CYB5D2: variants seen among roughly 807,000 people sequenced by gnomAD.
CYB5D2 encodes the protein cytochrome b5 domain containing 2.
A neutral mutation model predicts 22.8 loss-of-function variants in CYB5D2; 23 were observed. The observed-to-expected ratio is 1.01, with a 90% CI of 0.73 to 1.43. The LOEUF is 1.43. Among genes scored for constraint, CYB5D2 ranks in the 40% most tolerant of loss-of-function variants. CYB5D2 has a pLI of 0.00. For synonymous variants in CYB5D2, 170 were observed against 152.2 expected, an observed-to-expected ratio of 1.12 and a Z score of -0.86; for missense variants, 373 against 357.2, an observed-to-expected ratio of 1.04 and a Z score of -0.36.
chr17:4,143,714 A>G lies in CYB5D2; in HGVS notation c.-42A>G, dbSNP rs2058926029. On this transcript the variant is annotated 5_prime_UTR_variant, in exon 1 of 4. Coordinates refer to ENST00000301391, the MANE Select transcript of CYB5D2 (RefSeq NM_144611.4). ...TCTCGGCCATCTTAGCTGTAGATAGAGGCGGCAACCTCGGAAGTGCGGAGC... is the reference window on the plus strand; with the variant it reads ...TCTCGGCCATCTTAGCTGTAGATAGGGGCGGCAACCTCGGAAGTGCGGAGC... 2 of 1,571,266 alleles carry G rather than the reference A, an allele frequency of 1.3e-6. No individual in the cohort carries two copies. The highest frequency in any genetic ancestry group is 1.2e-5 in the South Asian group (1 of 86,328).
At chr17:4,146,228 G>A (rs2058989729) in intron 1 of CYB5D2, among the ~76,000 whole-genome samples, 1 of 151,460 alleles carries the variant, frequency 6.6e-6, no homozygotes, top group South Asian at 2.1e-4. Flanking sequence ...CGAGGAGCTA[G>A]GATTACAGGC....
intron 2 of CYB5D2, 54 bp downstream of exon 2, chr17:4,150,085 G>A (rs1213993617): frequency 5.0e-6 from 8 of 1,598,340 alleles, no homozygotes; most frequent in African/African-American, 1.3e-5. Context: ...TGTTTTTAGG[G>A]GGCTGAGATT....
rs1226886097 is a variant in CYB5D2 at position 4,143,627 on chromosome 17, G to C, written c.-129G>C. 7.6e-7 allele frequency: 1 copy of C among 1,323,922 alleles called. No homozygotes were observed. The highest frequency in any genetic ancestry group is 1.0e-6 in the Non-Finnish European group (1 of 967,910). The allele number at this position is 1,323,922 out of a possible 1,614,324, so 82.0% of individuals were successfully genotyped here. ...AACGAGAGAGACTAAGGGAGGGAGC[G>C]CGAGCACTAGCGCGCGAGAGAGAGA... On this transcript the variant is annotated 5_prime_UTR_variant, in exon 1 of 4. Coordinates refer to ENST00000301391, the MANE Select transcript of CYB5D2 (RefSeq NM_144611.4).
At chr17:4,145,381 TACTC>T (rs1240805443) in intron 1 of CYB5D2, among the ~76,000 whole-genome samples, 1 of 152,198 alleles carries the variant, frequency 6.6e-6, no homozygotes, top group Non-Finnish European at 1.5e-5. Context: ...GGAAGGGACT[TACTC>T]AGGGGTACAC....
chr17:4,143,191 G>A, upstream of CYB5D2: 1 of 348,708 alleles, frequency 2.9e-6, no homozygotes, highest in Non-Finnish European at 4.9e-6. Flanking sequence ...CGTAGCCTCC[G>A]CTGCCGCCAT....
Position 4,157,353 on chromosome 17 carries a change from C to T in CYB5D2, c.*271C>T. The T allele has an allele frequency of 1.9e-6, 1 of 524,478 alleles. No homozygotes were observed. The highest frequency in any genetic ancestry group is 3.4e-6 in the Non-Finnish European group (1 of 290,832). 32.5% of individuals were successfully genotyped at this position (524,478 alleles called of 1,614,324 possible). ...CATCTTCCTCACAGCCCTCAGATAT[C>T]AACGGGCACAAATAAGACCAACTCA... On this transcript the variant is annotated 3_prime_UTR_variant, in exon 4 of 4. Coordinates refer to ENST00000301391, the MANE Select transcript of CYB5D2 (RefSeq NM_144611.4). The surrounding 1 kb of genome is among the most constrained non-coding windows in gnomAD (Gnocchi z 4.4).
Position 4,143,817 on chromosome 17 carries a change from T to C in CYB5D2, c.62T>C (p.Met21Thr). 1 of 1,614,158 alleles carries C rather than the reference T, an allele frequency of 6.2e-7. No individual in the cohort carries two copies. The highest frequency in any genetic ancestry group is 8.5e-7 in the Non-Finnish European group (1 of 1,180,010). The change falls in exon 1 of 4, where the codon ATG becomes ACG. Residue 21 changes from methionine to threonine, a missense_variant. Physicochemically the swap from Met to Thr is moderately conservative, Grantham distance 81. Coordinates refer to ENST00000301391, the MANE Select transcript of CYB5D2 (RefSeq NM_144611.4). Reference sequence around the variant, plus strand: ...CTGGCTGTAGCCGCAGCAGCGGTAATGGCAGCACGGCTTATGGGCTGGTGG... The same window carrying C: ...CTGGCTGTAGCCGCAGCAGCGGTAACGGCAGCACGGCTTATGGGCTGGTGG... Reference protein sequence around the residue: ...LGLAVAAAAVMAARLMGWWGP... With the variant: ...LGLAVAAAAVTAARLMGWWGP...
At chr17:4,144,051 A>G (rs760899180) in intron 1 of CYB5D2, 46 bp downstream of exon 1, 3 of 1,534,794 alleles carry the variant, frequency 2.0e-6, no homozygotes, top group Non-Finnish European at 2.6e-6. Context: ...GGCGCGAGCC[A>G]GTAGCCACCT....
chr17:4,153,212 C>T (rs914210240), intron 2 of CYB5D2, among the ~76,000 whole-genome samples: 1 of 152,170 alleles, frequency 6.6e-6, no homozygotes, highest in African/African-American at 2.4e-5. Context: ...TCCTTTAGAG[C>T]ACATGCTCAG....
rs1156713283 is a variant in CYB5D2, at chr17:4,143,604, CGAGA to C, written c.-147_-144del. 1 of 1,100,136 alleles carries C rather than the reference CGAGA, an allele frequency of 9.1e-7. No individual in the cohort carries two copies. The highest frequency in any genetic ancestry group is 1.6e-5 in the South Asian group (1 of 60,814). The allele number at this position is 1,100,136 out of a possible 1,614,324, so 68.1% of individuals were successfully genotyped here. On this transcript the variant is annotated 5_prime_UTR_variant, in exon 1 of 4. Coordinates refer to ENST00000301391, the MANE Select transcript of CYB5D2 (RefSeq NM_144611.4). ...GCCAGTGCCAGGAATACAGATAAAA[CGAGA>C]GAGACTAAGGGAGGGAGCGCGAGCA...
chr17:4,156,893 C>T lies in CYB5D2; in HGVS notation c.606C>T (p.Gly202=), dbSNP rs757834560. The change falls in exon 4 of 4, where the codon GGC becomes GGT. Residue 202 remains glycine (G), a synonymous_variant. Transcript: ENST00000301391. ...GAGGTGTGAGCAGAGACTGGATTGG[C>T]GTCCCCAGGAAGCTGTATAAGCCAG... is the stretch of plus-strand genomic sequence containing the variant. ...KSGGVSRDWI[G]VPRKLYKPGA... 8.7e-6 allele frequency: 14 copies of T among 1,612,558 alleles called. No homozygotes were observed. Among genetic ancestry groups the T allele is most frequent in the African/African-American group, 6.7e-5 (5 of 74,868 alleles).
chr17:4,151,228 C>T (rs772352365), intron 2 of CYB5D2, among the ~76,000 whole-genome samples: 1 of 152,112 alleles, frequency 6.6e-6, no homozygotes, highest in East Asian at 1.9e-4. Context: ...CATTTTCTCT[C>T]GTATGCCCAA....
Position 4,157,360 on chromosome 17 carries a change from C to T in CYB5D2, c.*278C>T, listed in dbSNP as rs2059123503. 2.0e-6 allele frequency: 1 copy of T among 510,164 alleles called. No homozygotes were observed. Among genetic ancestry groups the T allele is most frequent in the Non-Finnish European group, 3.5e-6 (1 of 282,226 alleles). The allele number at this position is 510,164 out of a possible 1,614,324, so 31.6% of individuals were successfully genotyped here. A position where few individuals can be genotyped will look rare whatever the true frequency, so the allele number is the denominator to read the frequency against. ...CTCACAGCCCTCAGATATCAACGGG[C>T]ACAAATAAGACCAACTCAATTTCCA... On this transcript the variant is annotated 3_prime_UTR_variant, in exon 4 of 4. Transcript: ENST00000301391. The surrounding 1 kb of genome is among the most constrained non-coding windows in gnomAD (Gnocchi z 4.4).
In CYB5D2 at chr17:4,156,853, C is replaced by T. The variant is rs372515691; in HGVS notation, c.579-13C>T. ...TCTCACATTTAAGAAGTCCTCTTTC[C>T]GTCTATCCTTAGTGGAGGTGTGAGC... On this transcript the variant is annotated splice_polypyrimidine_tract_variant and intron_variant, in intron 3 of 3. Coordinates refer to ENST00000301391, the MANE Select transcript of CYB5D2 (RefSeq NM_144611.4). The T allele has an allele frequency of 2.0e-5, 33 of 1,612,106 alleles. No individual in the cohort carries two copies. Among genetic ancestry groups the T allele is most frequent in the South Asian group, 2.0e-4 (18 of 90,970 alleles).
chr17:4,157,678 G>A lies in CYB5D2; in HGVS notation c.*596G>A, dbSNP rs2059126040. 1 of 154,782 alleles carries A rather than the reference G, an allele frequency of 6.5e-6. No homozygotes were observed. Among genetic ancestry groups the A allele is most frequent in the African/African-American group, 2.4e-5 (1 of 41,470 alleles). The allele number at this position is 154,782 out of a possible 1,614,324, so 9.6% of individuals were successfully genotyped here. ...ACTGGTTAGCATGACATTAAAGCTT[G>A]GGCAAGGCTTCAAACTTAAGGTGGC... On this transcript the variant is annotated 3_prime_UTR_variant, in exon 4 of 4. Transcript: ENST00000301391. The surrounding 1 kb of genome is among the most constrained non-coding windows in gnomAD (Gnocchi z 4.4).
chr17:4,154,971 T>C, intron 3 of CYB5D2, 111 bp downstream of exon 3: 1 of 1,143,128 alleles, frequency 8.7e-7, no homozygotes, highest in East Asian at 2.7e-5. Flanking sequence ...CCTGGGGAGC[T>C]TTTTCAAAAT....
chr17:4,147,999 TTG>T (rs1315889321), intron 1 of CYB5D2, among the ~76,000 whole-genome samples: 1 of 152,170 alleles, frequency 6.6e-6, no homozygotes, highest in Admixed American at 6.5e-5. Context: ...TGTGATCAGT[TTG>T]TGTTTAAAGT....
chr17:4,143,740 G>C lies in CYB5D2; in HGVS notation c.-16G>C, dbSNP rs888537026. 1.2e-6 allele frequency: 2 copies of C among 1,602,366 alleles called. No homozygotes were observed. The highest frequency in any genetic ancestry group is 1.7e-6 in the Non-Finnish European group (2 of 1,172,386). Reference sequence around the variant, plus strand: ...GGCGGCAACCTCGGAAGTGCGGAGCGGGTGGGCCTATATAGATGTTGAGGT... The same window carrying C: ...GGCGGCAACCTCGGAAGTGCGGAGCCGGTGGGCCTATATAGATGTTGAGGT... On this transcript the variant is annotated 5_prime_UTR_variant, in exon 1 of 4. Transcript: ENST00000301391.
At chr17:4,143,179 T>C, upstream of CYB5D2, 1 of 373,330 alleles carries the variant, frequency 2.7e-6, no homozygotes, top group Non-Finnish European at 4.5e-6. Flanking sequence ...TCTACGTCAT[T>C]CCGTAGCCTC....
Sources: gnomAD v4.1 joint callset for allele counts (sites outside exome capture counted in the v4.1 genomes callset) on GRCh38, gnomAD v4.1.1 for gene constraint, Gnocchi (gnomAD v3.1) non-coding constraint, MANE v1.5 for transcripts, NCBI Gene and HGNC (gene_info 2026-07-23, HGNC 2026-07-21) for gene names.